The following PCDHGB2 variants were observed in gnomAD, a reference collection of about 807,000 sequenced individuals.
PCDHGB2 encodes the protein protocadherin gamma subfamily B, 2.
A neutral mutation model predicts 59.3 loss-of-function variants in PCDHGB2; 55 were observed. The observed-to-expected ratio is 0.93, with a 90% CI of 0.75 to 1.16. The LOEUF is 1.16. Ranked by LOEUF, PCDHGB2 falls within the 50% of genes most tolerant of loss-of-function variation. PCDHGB2 has a pLI of 0.00. For synonymous variants in PCDHGB2, 516 were observed against 512.0 expected (o/e 1.01, Z -0.11); for missense variants, 1,228 against 1,198.5 (o/e 1.02, Z -0.36).
At chr5:141,383,109 T>C (rs562167618) in intron 1 of PCDHGB2, 78 of 1,613,790 alleles carry the variant, frequency 4.8e-5, no homozygotes, top group Non-Finnish European at 6.3e-5. Flanking sequence ...TCTCCAGAGG[T>C]AGGACGCAGC....
chr5:141,458,386 G>T (rs1037969327), intron 1 of PCDHGB2, among the ~76,000 whole-genome samples: 2 of 152,070 alleles, frequency 1.3e-5, no homozygotes, highest in African/African-American at 2.4e-5. Flanking sequence ...GAAGGAAGAC[G>T]CTCCCCCTTG....
Position 141,510,942 on chromosome 5 carries a change from T to C in PCDHGB2, c.2570-5T>C, listed in dbSNP as rs769766039. On this transcript the variant is annotated splice_region_variant and splice_polypyrimidine_tract_variant and intron_variant, in intron 3 of 3. Transcript: ENST00000522605. ...CTCCCACCTGATCTTCCTCTGTCTCTGCAGAAGCTGCTGATGGGAGCTCCA... is the reference window on the plus strand; with the variant it reads ...CTCCCACCTGATCTTCCTCTGTCTCCGCAGAAGCTGCTGATGGGAGCTCCA... 5 of 1,613,984 alleles carry C rather than the reference T, an allele frequency of 3.1e-6. No homozygotes were observed. The highest frequency in any genetic ancestry group is 4.2e-6 in the Non-Finnish European group (5 of 1,180,014).
chr5:141,486,400 T>G lies in PCDHGB2; in HGVS notation c.2422-8407T>G. On this transcript the variant is annotated intron_variant, in intron 1 of 3. Transcript: ENST00000522605. This position sits in a 1 kb window ranked among gnomAD's most constrained non-coding sequence, Gnocchi z 5.0. Reference sequence around the variant, plus strand: ...TCAGGAACCAGTTCTCCCTGGTGACTGCTGGACCCTTGGATCGAGAGGCCA... The same window carrying G: ...TCAGGAACCAGTTCTCCCTGGTGACGGCTGGACCCTTGGATCGAGAGGCCA... 5.0e-6 allele frequency: 8 copies of G among 1,614,194 alleles called. No homozygotes were observed. The highest frequency in any genetic ancestry group is 6.8e-6 in the Non-Finnish European group (8 of 1,180,028).
chr5:141,492,499 C>T (rs2099741220), intron 1 of PCDHGB2, among the ~76,000 whole-genome samples: 1 of 152,198 alleles, frequency 6.6e-6, no homozygotes. Context: ...GGCGAGGACT[C>T]CGGAGCCTCC....
intron 1 of PCDHGB2, chr5:141,370,361 T>G (rs747397059): frequency 1.4e-5 from 22 of 1,517,974 alleles, no homozygotes; most frequent in Non-Finnish European, 1.7e-5. Context: ...TCTCCTCTCC[T>G]CGGATTTAGA....
At chr5:141,374,833 T>C in intron 1 of PCDHGB2, 7 of 1,613,930 alleles carry the variant, frequency 4.3e-6, no homozygotes, top group Non-Finnish European at 5.9e-6. Flanking sequence ...ACCGTGTAAG[T>C]GTTCCTGAAA....
At chr5:141,394,658 A>G (rs755560495) in intron 1 of PCDHGB2, 1 of 1,610,022 alleles carries the variant, frequency 6.2e-7, no homozygotes, top group South Asian at 1.1e-5. Flanking sequence ...GCGAGCCGGG[A>G]CTCTTCTCGG....
At position 141,382,739 on chromosome 5, in the gene PCDHGB2, G is replaced by A. The variant is rs1005950630; in HGVS notation, c.2421+20183G>A. 8.7e-6 allele frequency: 5 copies of A among 573,776 alleles called. No homozygotes were observed. The African/African-American group carries it at 9.3e-5, about 11-fold the overall frequency. The allele number at this position is 573,776 out of a possible 1,614,324, so 35.5% of individuals were successfully genotyped here. On this transcript the variant is annotated intron_variant, in intron 1 of 3. Coordinates refer to ENST00000522605, the MANE Select transcript of PCDHGB2 (RefSeq NM_018923.3). ...ACCGAGTTTTACAGCACAGAGAAACGACAGATTGCGATAAGCCCTCTTCCA... is the reference window on the plus strand; with the variant it reads ...ACCGAGTTTTACAGCACAGAGAAACAACAGATTGCGATAAGCCCTCTTCCA...
chr5:141,395,809 A>T (rs1448942836), intron 1 of PCDHGB2: 1 of 152,108 alleles, frequency 6.6e-6, no homozygotes, highest in Non-Finnish European at 1.5e-5. Flanking sequence ...CCTTCAAAAC[A>T]TGAACAAACT....
In PCDHGB2 at chr5:141,490,275, C is replaced by A; in HGVS notation, c.2422-4532C>A. 6.2e-7 allele frequency: 1 copy of A among 1,614,238 alleles called. No individual in the cohort carries two copies. The highest frequency in any genetic ancestry group is 8.5e-7 in the Non-Finnish European group (1 of 1,180,044). On this transcript the variant is annotated intron_variant, in intron 1 of 3. Transcript: ENST00000522605. The surrounding 1 kb of genome is among the most constrained non-coding windows in gnomAD (Gnocchi z 5.4). Reference sequence around the variant, plus strand: ...AAGTGGATGTGGGGGATGTCAATGACAATGCCCCAGAGGTGCTATTGGCCT... The same window carrying A: ...AAGTGGATGTGGGGGATGTCAATGAAAATGCCCCAGAGGTGCTATTGGCCT...
rs2094361083 is a variant in PCDHGB2 at position 141,403,148 on chromosome 5, A to T, written c.2421+40592A>T. The T allele has an allele frequency of 2.5e-6, 4 of 1,614,050 alleles. No homozygotes were observed. The South Asian group carries it at 4.4e-5, about 18-fold the overall frequency. On this transcript the variant is annotated intron_variant, in intron 1 of 3. Coordinates refer to ENST00000522605, the MANE Select transcript of PCDHGB2 (RefSeq NM_018923.3). ...GGAGCTGGCGGAGCGCCGAGTCCGC[A>T]TCGTCTCTAGAGGTAGGACGCAGCT...
rs745698097 is a variant in PCDHGB2 at position 141,389,267 on chromosome 5, G to C, written c.2421+26711G>C. The C allele has an allele frequency of 3.0e-5, 48 of 1,613,890 alleles. No individual in the cohort carries two copies. The highest frequency in any genetic ancestry group is 4.0e-5 in the Non-Finnish European group (47 of 1,179,898). On this transcript the variant is annotated intron_variant, in intron 1 of 3. Coordinates refer to ENST00000522605, the MANE Select transcript of PCDHGB2 (RefSeq NM_018923.3). ...CTTCCTATATAGTCCACGTGGCCGA[G>C]AACAACCCGCCTGGAGCCTCTATTT...
Position 141,431,581 on chromosome 5 carries a change from T to A in PCDHGB2, c.2422-63226T>A, listed in dbSNP as rs749863807. Reference sequence around the variant, plus strand: ...CTACCGACCCTGACGAAGGAGTCAATGCGGAAGTGAGGTATTCCTTCCGGT... The same window carrying A: ...CTACCGACCCTGACGAAGGAGTCAAAGCGGAAGTGAGGTATTCCTTCCGGT... On this transcript the variant is annotated intron_variant, in intron 1 of 3. Coordinates refer to ENST00000522605, the MANE Select transcript of PCDHGB2 (RefSeq NM_018923.3). This position sits in a 1 kb window ranked among gnomAD's most constrained non-coding sequence, Gnocchi z 4.8. 3.1e-6 allele frequency: 5 copies of A among 1,614,160 alleles called. No individual in the cohort carries two copies. In the South Asian group the frequency reaches 5.5e-5, roughly 18 times the overall value.
intron 1 of PCDHGB2, among the ~76,000 whole-genome samples, chr5:141,447,983 G>A (rs1311439824): frequency 6.6e-6 from 1 of 151,972 alleles, no homozygotes; most frequent in Non-Finnish European, 1.5e-5. Context: ...CTACTCGGGA[G>A]GCTGAGGCAT....
At chr5:141,388,703 C>T in intron 1 of PCDHGB2, 1 of 1,613,982 alleles carries the variant, frequency 6.2e-7, no homozygotes, top group Non-Finnish European at 8.5e-7. Context: ...ATGAGGGTGT[C>T]AATGCCGAGA....
intron 1 of PCDHGB2, chr5:141,414,258 TG>T: frequency 6.2e-7 from 1 of 1,613,492 alleles, no homozygotes; most frequent in Non-Finnish European, 8.5e-7. Flanking sequence ...GTCCAGTGAC[TG>T]AAGATTCACC....
At chr5:141,374,728 GGATGGCGGCGACCCT>G (rs1422312768) in intron 1 of PCDHGB2, 1 of 1,610,428 alleles carries the variant, frequency 6.2e-7, no homozygotes, top group Admixed American at 1.7e-5. Context: ...TTACTGCCAT[GGATGGCGGCGACCCT>G]GTCCGCTCAA....
At chr5:141,400,227 C>A (rs760084071) in intron 1 of PCDHGB2, 2 of 1,614,052 alleles carry the variant, frequency 1.2e-6, no homozygotes, top group Non-Finnish European at 1.7e-6. Flanking sequence ...TGCTCTTCCT[C>A]CTGGCCGTGA....
chr5:141,366,653 T>C (rs1764716259), intron 1 of PCDHGB2: 3 of 1,614,122 alleles, frequency 1.9e-6, no homozygotes, highest in Non-Finnish European at 1.7e-6. Context: ...CCAGCCCAAC[T>C]ACGCAGACAC....
Sources: gnomAD v4.1 joint callset for allele counts (sites outside exome capture counted in the v4.1 genomes callset) on GRCh38, gnomAD v4.1.1 for gene constraint, Gnocchi (gnomAD v3.1) non-coding constraint, MANE v1.5 for transcripts, NCBI Gene and HGNC (gene_info 2026-07-23, HGNC 2026-07-21) for gene names.